Variants in PKHD1 observed in about 807,000 individuals in gnomAD.
The protein encoded by PKHD1 is fibrocystin.
PKHD1 carries 291 observed loss-of-function variants against 412.0 expected under a neutral mutation model. The ratio of observed to expected loss-of-function variants is 0.71; its 90% CI spans 0.64 to 0.78. The LOEUF is 0.78. PKHD1 is among the 30% of genes least tolerant of loss of function. The pLI is 0.00. For missense variants in PKHD1, 4,825 were observed against 4,950.7 expected, an observed-to-expected ratio of 0.97 and a Z score of 0.76; for synonymous variants, 1,777 against 1,821.5, an observed-to-expected ratio of 0.98 and a Z score of 0.62.
chr6:52,064,626 C>T (rs928139681), intron 13 of PKHD1, among the ~76,000 whole-genome samples: 3 of 152,116 alleles, frequency 2.0e-5, no homozygotes, highest in African/African-American at 7.2e-5. Context: ...GCAACTGACC[C>T]ATTGAATGAA....
chr6:51,927,368 G>A (rs760664316), intron 37 of PKHD1, among the ~76,000 whole-genome samples: 22 of 152,098 alleles, frequency 1.4e-4, no homozygotes, highest in Non-Finnish European at 1.8e-4. Flanking sequence ...CACAGACAGG[G>A]AGAAAACATC....
intron 60 of PKHD1, among the ~76,000 whole-genome samples, chr6:51,679,893 T>C (rs1776399684): frequency 6.6e-6 from 1 of 152,066 alleles, no homozygotes; most frequent in African/African-American, 2.4e-5. Context: ...GTCTCTGCTG[T>C]GAAAGATGTT....
In PKHD1 at chr6:51,667,301, G is replaced by A. The variant is rs1334737759; in HGVS notation, c.10157-7332C>T. ...TGCATTTCTCTAATGGCCAGTGATG[G>A]TGAGCATTTTTTCATGTGTTTTTTG... On this transcript the variant is annotated intron_variant, in intron 60 of 66. Transcript: ENST00000371117. Among the ~76,000 whole-genome samples, 113 of 151,008 alleles carry A rather than the reference G, an allele frequency of 7.5e-4. 1 individual carries two copies. Among genetic ancestry groups the A allele is most frequent in the African/African-American group, 2.6e-3 (106 of 41,048 alleles).
At chr6:52,080,050 G>C (rs1435200948) in intron 4 of PKHD1, 42 bp from the exon 5 acceptor site, 5 of 1,135,312 alleles carry the variant, frequency 4.4e-6, no homozygotes, top group Non-Finnish European at 6.7e-6. Context: ...CAAAAACCAT[G>C]AATTCCCAAA....
rs1396126148 is a variant in PKHD1 at position 51,659,680 on chromosome 6, G to T, written c.10446C>A (p.Arg3482=). 6.2e-7 allele frequency: 1 copy of T among 1,613,838 alleles called. No individual in the cohort carries two copies. Among genetic ancestry groups the T allele is most frequent in the South Asian group, 1.1e-5 (1 of 91,088 alleles). Residue 3482 remains arginine, a synonymous_variant, in exon 61 of 67, where the codon CGC becomes CGA. Coordinates refer to ENST00000371117, the MANE Select transcript of PKHD1 (RefSeq NM_138694.4). ...CFMDQTPQVL[R]FFLLGNKSTS... is the part of the protein sequence containing the mutation. The stretch of plus-strand genomic sequence containing the variant: ...TACTTTTGTTCCCCAATAGAAAAAA[G>T]CGCAAAACTTGAGGAGTTTGATCCA...
At chr6:51,728,038 A>ATGCACATTATTTACCTAATG (rs1433345970) in intron 60 of PKHD1, among the ~76,000 whole-genome samples, 1 of 151,696 alleles carries the variant, frequency 6.6e-6, no homozygotes, top group Admixed American at 6.6e-5. Flanking sequence ...TCCATACAAT[A>ATGCACATTATTTACCTAATG]CTCCCATGCC....
chr6:51,733,853 A>G (rs944342372), intron 60 of PKHD1, among the ~76,000 whole-genome samples: 1 of 152,230 alleles, frequency 6.6e-6, no homozygotes, highest in East Asian at 1.9e-4. Flanking sequence ...AACAATAACA[A>G]GTTATTCAAA....
At chr6:51,927,725 A>C (rs557075206) in intron 37 of PKHD1, among the ~76,000 whole-genome samples, 149 of 152,312 alleles carry the variant, frequency 9.8e-4, no homozygotes, top group Non-Finnish European at 1.6e-3. Context: ...AGCAGGGGAA[A>C]CAATTAGAGA....
rs1230842357 is a variant in PKHD1 at position 51,807,454 on chromosome 6, AAAAAATAT to A, written c.8303-16089_8303-16082del. Among the ~76,000 whole-genome samples the A allele has an allele frequency of 2.6e-3, 129 of 48,878 alleles. 7 individuals carry two copies. Among genetic ancestry groups the A allele is most frequent in the African/African-American group, 6.9e-3 (103 of 14,840 alleles). The allele number at this position is 48,878 out of a possible 152,430, so 32.1% of individuals were successfully genotyped here. ...CTCTGTCTCAAAAAAAAAAAAAAAA[AAAAAATAT>A]ATATATATATATATATATGTATATG... On this transcript the variant is annotated intron_variant, in intron 52 of 66. Transcript: ENST00000371117.
chr6:51,619,532 A>G lies in PKHD1; in HGVS notation c.11786-12T>C. On this transcript the variant is annotated splice_polypyrimidine_tract_variant and intron_variant, in intron 66 of 66. Coordinates refer to ENST00000371117, the MANE Select transcript of PKHD1 (RefSeq NM_138694.4). ...CTTCATTCTCATATCTGGGGGGAAA[A>G]GAAATAGGGGAAGAAATGGATTTAG... 1 of 1,607,030 alleles carries G rather than the reference A, an allele frequency of 6.2e-7. No homozygotes were observed. Among genetic ancestry groups the G allele is most frequent in the Non-Finnish European group, 8.5e-7 (1 of 1,173,640 alleles).
At chr6:51,936,652 A>C (rs1266892) in intron 36 of PKHD1, among the ~76,000 whole-genome samples, 107,050 of 152,114 alleles carry the variant, frequency 0.7, 38,169 homozygotes, top group East Asian at 0.94. Context: ...CAAGGGCGTT[A>C]CAAAGTTAAA....
chr6:52,083,919 C>T (rs764575907), intron 2 of PKHD1, among the ~76,000 whole-genome samples: 1 of 151,898 alleles, frequency 6.6e-6, no homozygotes, highest in Non-Finnish European at 1.5e-5. Flanking sequence ...CTTGCCTTGC[C>T]TGCTTAGAGA....
intron 48 of PKHD1, among the ~76,000 whole-genome samples, chr6:51,863,612 G>A (rs1774557221): frequency 6.6e-6 from 1 of 152,124 alleles, no homozygotes; most frequent in South Asian, 2.1e-4. Context: ...GAAGGAATCA[G>A]CAATTAGAAT....
chr6:51,705,994 G>C (rs1051812716), intron 60 of PKHD1, among the ~76,000 whole-genome samples: 1 of 152,074 alleles, frequency 6.6e-6, no homozygotes, highest in African/African-American at 2.4e-5. Flanking sequence ...TGAAAATTAA[G>C]TCTATTCGGT....
chr6:51,652,528 C>A (rs892532947), intron 61 of PKHD1, among the ~76,000 whole-genome samples: 28 of 150,974 alleles, frequency 1.9e-4, no homozygotes, highest in African/African-American at 6.8e-4. Flanking sequence ...TGATTGAATG[C>A]TTCATGATGT....
In PKHD1 at chr6:51,657,120, T is replaced by TA. The variant is rs34088582; in HGVS notation, c.11174+1831dup. 9.2e-3 allele frequency among the ~76,000 whole-genome samples: 1,341 copies of TA among 145,440 alleles called. 24 individuals carry two copies. The highest frequency in any genetic ancestry group is 0.031 in the African/African-American group (1,234 of 39,576). On this transcript the variant is annotated intron_variant, in intron 61 of 66. Coordinates refer to ENST00000371117, the MANE Select transcript of PKHD1 (RefSeq NM_138694.4). ...GAAAAAACTTAAAGTATAATAATAA[T>TA]AAAAAAAAAAAAAAGAAAGAACTGC... is the stretch of plus-strand genomic sequence containing the variant.
chr6:51,736,188 G>C (rs1452326898), intron 60 of PKHD1, among the ~76,000 whole-genome samples: 1 of 152,140 alleles, frequency 6.6e-6, no homozygotes, highest in African/African-American at 2.4e-5. Flanking sequence ...AAGATTTGAG[G>C]AGCAAGACAA....
rs1784842102 is a variant in PKHD1 at position 51,743,680 on chromosome 6, A to G, written c.10156+705T>C. Among the ~76,000 whole-genome samples the G allele has an allele frequency of 3.3e-5, 5 of 152,204 alleles. No homozygotes were observed. In the South Asian group the frequency reaches 1.0e-3, roughly 32 times the overall value. On this transcript the variant is annotated intron_variant, in intron 60 of 66. Coordinates refer to ENST00000371117, the MANE Select transcript of PKHD1 (RefSeq NM_138694.4). ...TCAAAAATTTAAAAGGACAAGGGAG[A>G]CCAGAAAAGAAATCTAAAAAGAATC...
chr6:51,655,319 C>T (rs1024977712), intron 61 of PKHD1, among the ~76,000 whole-genome samples: 3 of 152,090 alleles, frequency 2.0e-5, no homozygotes, highest in Non-Finnish European at 4.4e-5. Context: ...GGAGAAGATG[C>T]AGAAGAGAAA....
Sources: allele counts gnomAD v4.1 joint callset (sites outside exome capture counted in the v4.1 genomes callset), GRCh38; gene constraint gnomAD v4.1.1; transcripts MANE v1.5; gene names NCBI Gene and HGNC (gene_info 2026-07-23, HGNC 2026-07-21).